The following PXDNL variants were observed in gnomAD, a reference collection of about 807,000 sequenced individuals.
PXDNL encodes the protein peroxidasin like.
PXDNL carries 145 observed loss-of-function variants against 150.8 expected under a neutral mutation model. The ratio of observed to expected loss-of-function variants is 0.96; its 90% confidence interval spans 0.84 to 1.10. The LOEUF is 1.10. Among genes scored for constraint, PXDNL ranks in the 50% least tolerant of loss-of-function variants. The pLI is 0.00. For missense variants in PXDNL, 2,087 were observed against 1,873.9 expected, an observed-to-expected ratio of 1.11 and a Z score of -2.10; for synonymous variants, 757 against 725.7, an observed-to-expected ratio of 1.04 and a Z score of -0.69.
In PXDNL at chr8:51,408,327, C is replaced by A; in HGVS notation, c.3297G>T (p.Pro1099=). The A allele has an allele frequency of 1.2e-6, 2 of 1,614,004 alleles. No individual in the cohort carries two copies. The highest frequency in any genetic ancestry group is 1.7e-6 in the Non-Finnish European group (2 of 1,179,896). The change falls in exon 17 of 23, where the codon CCG becomes CCT. Residue 1099 remains proline, a synonymous_variant. Coordinates refer to ENST00000356297, the MANE Select transcript of PXDNL (RefSeq NM_144651.5). The stretch of plus-strand genomic sequence containing the variant: ...CCACGCCAAACAGCCCCCGGAGAAC[C>A]GGGTCTATCCCACCTTCCTTGATTA... ...SRIIKEGGID[P]VLRGLFGVAA... is the part of the protein sequence containing the mutation.
At chr8:51,623,204 A>G (rs2130738896) in intron 2 of PXDNL, among the ~76,000 whole-genome samples, 1 of 152,252 alleles carries the variant, frequency 6.6e-6, no homozygotes. Context: ...TGCTGGAGAA[A>G]GCGATTCCCC....
chr8:51,338,386 G>A (rs551783877), intron 21 of PXDNL, among the ~76,000 whole-genome samples: 23 of 152,252 alleles, frequency 1.5e-4, no homozygotes, highest in Non-Finnish European at 2.4e-4. Flanking sequence ...TCCAAAAGAA[G>A]CAATCATATT....
chr8:51,388,218 G>A (rs77718251), intron 17 of PXDNL, among the ~76,000 whole-genome samples: 4,526 of 151,986 alleles, frequency 0.03, 217 homozygotes, highest in African/African-American at 0.1. Flanking sequence ...CTTATTATTC[G>A]AAGACCAAAT....
intron 4 of PXDNL, among the ~76,000 whole-genome samples, chr8:51,523,140 TA>T (rs1811697034): frequency 6.6e-6 from 1 of 152,156 alleles, no homozygotes; most frequent in Non-Finnish European, 1.5e-5. Context: ...AAACAGAGCG[TA>T]AGAGGAGCAC....
chr8:51,576,109 G>C (rs1448277706), intron 3 of PXDNL, among the ~76,000 whole-genome samples: 1 of 146,920 alleles, frequency 6.8e-6, no homozygotes, highest in Non-Finnish European at 1.5e-5. Context: ...ATTGATGGAA[G>C]ACCTAAACAG....
chr8:51,598,381 G>C (rs1299793230), intron 2 of PXDNL, among the ~76,000 whole-genome samples: 1 of 152,056 alleles, frequency 6.6e-6, no homozygotes, highest in African/African-American at 2.4e-5. Context: ...ATCATAGATG[G>C]CTTATTATTT....
intron 2 of PXDNL, among the ~76,000 whole-genome samples, chr8:51,600,565 C>T (rs189922203): frequency 1.2e-4 from 13 of 111,228 alleles, no homozygotes; most frequent in African/African-American, 1.6e-4. Flanking sequence ...TAAATTATAT[C>T]GTTTAGATAA....
rs1460795879 is a variant in PXDNL at position 51,374,718 on chromosome 8, G to C, written c.3571C>G (p.Pro1191Ala). The part of the protein sequence containing the change: ...RQKLRKLYGS[P>A]GDIDLWPALM... ...GCGGGCCAGAGGTCAATGTCACCTG[G>C]AGAGCCGTACAACCTGGAACAGAGA... The change falls in exon 18 of 23, where the codon CCA becomes GCA. Residue 1191 changes from proline (P) to alanine (A), a missense_variant. By Grantham distance (27) the Pro-to-Ala change is conservative. Coordinates refer to ENST00000356297, the MANE Select transcript of PXDNL (RefSeq NM_144651.5). The C allele has an allele frequency of 1.2e-6, 2 of 1,613,834 alleles. No individual in the cohort carries two copies. The highest frequency in any genetic ancestry group is 2.2e-5 in the South Asian group (2 of 91,052).
chr8:51,797,206 C>T lies in PXDNL; in HGVS notation c.164+11975G>A, dbSNP rs182532930. 1.4e-4 allele frequency among the ~76,000 whole-genome samples: 22 copies of T among 152,312 alleles called. No homozygotes were observed. In the East Asian group the frequency reaches 3.3e-3, roughly 23 times the overall value. On this transcript the variant is annotated intron_variant, in intron 1 of 22. Coordinates refer to ENST00000356297, the MANE Select transcript of PXDNL (RefSeq NM_144651.5). ...ATAAGAGCCATTTATGACAAACCCA[C>T]TGCAAATATCACACTGAATGGGCAA...
intron 4 of PXDNL, among the ~76,000 whole-genome samples, chr8:51,511,317 A>C (rs1811413390): frequency 6.6e-6 from 1 of 152,206 alleles, no homozygotes; most frequent in Admixed American, 6.5e-5. Context: ...AGGTTGAGAA[A>C]ATCCTTATGG....
At chr8:51,376,615 T>C (rs1158948096) in intron 17 of PXDNL, among the ~76,000 whole-genome samples, 3 of 152,160 alleles carry the variant, frequency 2.0e-5, no homozygotes, top group African/African-American at 7.2e-5. Context: ...TCTGGTTGGG[T>C]AGCATACTCT....
At chr8:51,644,842 G>C (rs1360516078) in intron 2 of PXDNL, among the ~76,000 whole-genome samples, 1 of 151,764 alleles carries the variant, frequency 6.6e-6, no homozygotes, top group Non-Finnish European at 1.5e-5. Flanking sequence ...CGTCAGAAAA[G>C]GGCCCCAGGC....
At chr8:51,601,948 C>G (rs1477977313) in intron 2 of PXDNL, among the ~76,000 whole-genome samples, 1 of 151,910 alleles carries the variant, frequency 6.6e-6, no homozygotes, top group Non-Finnish European at 1.5e-5. Context: ...ACTTGCTTGT[C>G]TGGAAAAGAT....
Position 51,577,923 on chromosome 8 carries a change from AAAAGAAAGAAAGAAAGAAAGAAAG to A in PXDNL, c.308+14680_308+14703del, listed in dbSNP as rs1234489822. On this transcript the variant is annotated intron_variant, in intron 3 of 22. Transcript: ENST00000356297. ...AGAAAGAAAGAGAAAGAAAAGAAAG[AAAAGAAAGAAAGAAAGAAAGAAAG>A]AAAGAAAGAAAGAAAGAAAGAAAGA... is the stretch of plus-strand genomic sequence containing the variant. 6.7e-3 allele frequency among the ~76,000 whole-genome samples: 284 copies of A among 42,348 alleles called. 3 individuals are homozygous for A. The highest frequency in any genetic ancestry group is 0.011 in the Middle Eastern group (1 of 88). The allele number at this position is 42,348 out of a possible 152,430, so 27.8% of individuals were successfully genotyped here.
At chr8:51,785,353 G>A (rs564212408) in intron 1 of PXDNL, among the ~76,000 whole-genome samples, 2 of 152,168 alleles carry the variant, frequency 1.3e-5, no homozygotes, top group South Asian at 4.1e-4. Flanking sequence ...TTATTATTAC[G>A]ATGATTCATA....
rs1810443782 is a variant in PXDNL at position 51,475,108 on chromosome 8, A to G, written c.558T>C (p.Cys186=). 2.5e-6 allele frequency: 4 copies of G among 1,613,874 alleles called. No individual in the cohort carries two copies. Among genetic ancestry groups the G allele is most frequent in the Non-Finnish European group, 3.4e-6 (4 of 1,179,802 alleles). The change falls in exon 7 of 23, where the codon TGT becomes TGC. Residue 186 remains cysteine, a synonymous_variant. Transcript: ENST00000356297. ...RLDSNALVCD[C]DLMWLGELLQ... ...AAAGCTCCCCCAGCCACATCAGATC[A>G]CAGTCACAAACCAGGGCGTTGGAAT...
chr8:51,590,057 T>C (rs76712345), intron 3 of PXDNL, among the ~76,000 whole-genome samples: 6,231 of 152,138 alleles, frequency 0.041, 287 homozygotes, highest in East Asian at 0.24. Context: ...TCAAGATACC[T>C]TCCATGGACT....
chr8:51,499,460 C>T (rs1811135844), intron 5 of PXDNL, among the ~76,000 whole-genome samples: 1 of 152,146 alleles, frequency 6.6e-6, no homozygotes, highest in South Asian at 2.1e-4. Flanking sequence ...ATAGCTTTCT[C>T]TCATTTGTGA....
intron 1 of PXDNL, among the ~76,000 whole-genome samples, chr8:51,746,130 T>A (rs2036982460): frequency 6.6e-6 from 1 of 152,210 alleles, no homozygotes; most frequent in Non-Finnish European, 1.5e-5. Flanking sequence ...GACTTCCATC[T>A]CCAGAAAGCT....
Sources: gnomAD v4.1 joint callset for allele counts (sites outside exome capture counted in the v4.1 genomes callset) on GRCh38, gnomAD v4.1.1 for gene constraint, MANE v1.5 for transcripts, NCBI Gene and HGNC (gene_info 2026-07-23, HGNC 2026-07-21) for gene names.